TBC1D1: variants seen among roughly 807,000 people sequenced by gnomAD.
TBC1D1 encodes the protein TBC1 (tre-2/USP6, BUB2, cdc16) domain family, member 1.
In TBC1D1, 89 loss-of-function variants were observed where a neutral mutation model predicts 125.6. That is an observed-to-expected ratio of 0.71 (90% CI 0.60 to 0.85). The LOEUF is 0.85. Among genes scored for constraint, TBC1D1 ranks in the 40% least tolerant of loss-of-function variants. The probability of loss-of-function intolerance (pLI) is 0.00; values close to 1 mark genes in which losing one functional copy is unlikely to be tolerated. For missense variants in TBC1D1, 1,377 were observed against 1,469.2 expected, an observed-to-expected ratio of 0.94 and a Z score of 1.03; for synonymous variants, 565 against 564.1, an observed-to-expected ratio of 1.00 and a Z score of -0.02.
At chr4:37,905,277 T>C (rs114961212) in intron 2 of TBC1D1, among the ~76,000 whole-genome samples, 1,604 of 152,340 alleles carry the variant, frequency 0.011, 24 homozygotes, top group African/African-American at 0.037. Flanking sequence ...TTTCTCAAGA[T>C]AAACTTTATC....
chr4:38,129,402 G>A (rs896681764), intron 18 of TBC1D1, among the ~76,000 whole-genome samples: 2 of 152,314 alleles, frequency 1.3e-5, no homozygotes, highest in African/African-American at 4.8e-5. Flanking sequence ...GGGGAGAAGT[G>A]GTTTACCACT....
Position 38,115,697 on chromosome 4 carries a change from ATTC to A in TBC1D1, c.2558-10_2558-8del. On this transcript the variant is annotated splice_polypyrimidine_tract_variant and intron_variant, in intron 15 of 19. Coordinates refer to ENST00000261439, the MANE Select transcript of TBC1D1 (RefSeq NM_015173.4). ...GTTTTTATTATTACAACTAATATGT[ATTC>A]TTTTCACAGGGCGAACCTTTCCTAC... 1 of 1,607,832 alleles carries A rather than the reference ATTC, an allele frequency of 6.2e-7. No homozygotes were observed. The highest frequency in any genetic ancestry group is 8.5e-7 in the Non-Finnish European group (1 of 1,176,906).
At position 37,931,631 on chromosome 4, in the gene TBC1D1, C is replaced by A. The variant is rs191135255; in HGVS notation, c.417+29119C>A. The stretch of plus-strand genomic sequence containing the variant: ...TAGCTGGGATTACAGGCACCTGCCA[C>A]CACACCTGGCTAATTTTTGTATTTT... On this transcript the variant is annotated intron_variant, in intron 2 of 19. Coordinates refer to ENST00000261439, the MANE Select transcript of TBC1D1 (RefSeq NM_015173.4). Among the ~76,000 whole-genome samples, 213 of 152,220 alleles carry A rather than the reference C, an allele frequency of 1.4e-3. 1 individual carries two copies. The highest frequency in any genetic ancestry group is 0.01 in the Middle Eastern group (3 of 294).
intron 1 of TBC1D1, among the ~76,000 whole-genome samples, chr4:37,893,518 T>C (rs1280844910): frequency 6.6e-6 from 1 of 152,246 alleles, no homozygotes; most frequent in Non-Finnish European, 1.5e-5. Context: ...AATCTGCTCA[T>C]TAAAATGACT....
chr4:38,006,358 T>C (rs1005243445), intron 2 of TBC1D1, among the ~76,000 whole-genome samples: 2 of 151,916 alleles, frequency 1.3e-5, no homozygotes, highest in Non-Finnish European at 2.9e-5. Flanking sequence ...GATGATAACC[T>C]CCAAATAACC....
chr4:37,981,884 T>G (rs1415687316), intron 2 of TBC1D1, among the ~76,000 whole-genome samples: 2 of 152,182 alleles, frequency 1.3e-5, no homozygotes, highest in Non-Finnish European at 2.9e-5. Context: ...TTGGTTCGGA[T>G]AGGAGGTGAT....
chr4:37,986,482 G>A (rs1163882961), intron 2 of TBC1D1, among the ~76,000 whole-genome samples: 1 of 152,184 alleles, frequency 6.6e-6, no homozygotes, highest in Non-Finnish European at 1.5e-5. Flanking sequence ...GTCTTGCTCT[G>A]TTGCCCAGGC....
intron 12 of TBC1D1, among the ~76,000 whole-genome samples, chr4:38,058,481 C>T (rs556672897): frequency 1.4e-4 from 21 of 152,284 alleles, no homozygotes; most frequent in African/African-American, 4.8e-4. Flanking sequence ...GCTGAGCCTG[C>T]AGCCGCTGGA....
chr4:37,955,394 G>A (rs1728733949), intron 2 of TBC1D1, among the ~76,000 whole-genome samples: 1 of 152,120 alleles, frequency 6.6e-6, no homozygotes, highest in Non-Finnish European at 1.5e-5. Context: ...AAAATCCATG[G>A]ATGCTCAAAC....
intron 12 of TBC1D1, among the ~76,000 whole-genome samples, chr4:38,061,998 C>A (rs149411105): frequency 1.3e-5 from 2 of 152,282 alleles, no homozygotes; most frequent in African/African-American, 4.8e-5. Context: ...GACATCTGTG[C>A]ACCAAAAGCA....
At chr4:38,129,592 G>C (rs187010462) in intron 18 of TBC1D1, among the ~76,000 whole-genome samples, 49 of 152,254 alleles carry the variant, frequency 3.2e-4, no homozygotes, top group Middle Eastern at 3.4e-3. Flanking sequence ...TGGAGGGCAG[G>C]GGGTTAGGAA....
At position 37,995,860 on chromosome 4, in the gene TBC1D1, A is replaced by C. The variant is rs752508539; in HGVS notation, c.418-18649A>C. 53 of 578,354 alleles carry C rather than the reference A, an allele frequency of 9.2e-5. No homozygotes were observed. The highest frequency in any genetic ancestry group is 1.6e-4 in the Non-Finnish European group (47 of 293,332). The allele number at this position is 578,354 out of a possible 1,614,324, so 35.8% of individuals were successfully genotyped here. A position where few individuals can be genotyped will look rare whatever the true frequency, so the allele number is the denominator to read the frequency against. ...TGGATCCATGTGATCACCAGAATGC[A>C]TTTCTCTTTGAGAATCCAGACTTCT... is the stretch of plus-strand genomic sequence containing the variant. On this transcript the variant is annotated intron_variant, in intron 2 of 19. Transcript: ENST00000261439. This position sits in a 1 kb window ranked among gnomAD's most constrained non-coding sequence, Gnocchi z 4.3.
intron 2 of TBC1D1, among the ~76,000 whole-genome samples, chr4:37,906,111 G>T (rs994659052): frequency 6.6e-6 from 1 of 152,088 alleles, no homozygotes; most frequent in South Asian, 2.1e-4. Flanking sequence ...GTCTGCTGCT[G>T]CAGGCTTCAT....
chr4:37,905,781 C>T (rs1717175728), intron 2 of TBC1D1, among the ~76,000 whole-genome samples: 2 of 152,180 alleles, frequency 1.3e-5, no homozygotes, highest in Admixed American at 6.5e-5. Flanking sequence ...CTCTCAGTAG[C>T]CATTGCTTAA....
At chr4:37,946,305 T>C (rs73236846) in intron 2 of TBC1D1, among the ~76,000 whole-genome samples, 12,104 of 152,218 alleles carry the variant, frequency 0.08, 613 homozygotes, top group Middle Eastern at 0.14. Flanking sequence ...TTATTGTATA[T>C]TTTCAGAAAG....
intron 18 of TBC1D1, among the ~76,000 whole-genome samples, chr4:38,131,755 C>T (rs991856454): frequency 9.8e-5 from 15 of 152,316 alleles, no homozygotes; most frequent in African/African-American, 3.6e-4. Context: ...TCCCTGCTGA[C>T]CTCACGGTCG....
intron 2 of TBC1D1, among the ~76,000 whole-genome samples, chr4:37,998,597 A>G (rs1738336591): frequency 6.6e-6 from 1 of 152,146 alleles, no homozygotes; most frequent in Non-Finnish European, 1.5e-5. Flanking sequence ...GCACGTGGTC[A>G]GTCTCCTTGC....
At chr4:38,017,330 CTAGTT>C (rs1439469136) in intron 3 of TBC1D1, among the ~76,000 whole-genome samples, 1 of 152,146 alleles carries the variant, frequency 6.6e-6, no homozygotes, top group Non-Finnish European at 1.5e-5. Flanking sequence ...GAGACACAGT[CTAGTT>C]TAGAAAGATG....
intron 12 of TBC1D1, among the ~76,000 whole-genome samples, chr4:38,072,163 A>C (rs926962012): frequency 3.9e-5 from 6 of 152,242 alleles, no homozygotes; most frequent in African/African-American, 1.2e-4. Context: ...AATTAGGCAC[A>C]AGTGCAAGCC....
Sources: allele counts gnomAD v4.1 joint callset (sites outside exome capture counted in the v4.1 genomes callset), GRCh38; gene constraint gnomAD v4.1.1; non-coding constraint Gnocchi (gnomAD v3.1); transcripts MANE v1.5; gene names NCBI Gene and HGNC (gene_info 2026-07-23, HGNC 2026-07-21).